Variants in LCMT1 observed in about 807,000 individuals in gnomAD.
LCMT1 encodes the protein [Phosphatase 2A protein]-leucine-carboxy methyltransferase 1.
In LCMT1, 32 loss-of-function variants were observed where a neutral mutation model predicts 47.7. The ratio of observed to expected loss-of-function variants is 0.67; its 90% CI spans 0.51 to 0.90. The LOEUF is 0.90. LCMT1 is among the 40% of genes least tolerant of loss of function. The probability of loss-of-function intolerance (pLI) is 0.00; values close to 1 mark genes in which losing one functional copy is unlikely to be tolerated. For synonymous variants in LCMT1, 152 were observed against 149.7 expected, an observed-to-expected ratio of 1.02 and a Z score of -0.11; for missense variants, 375 against 415.2, an observed-to-expected ratio of 0.90 and a Z score of 0.84.
At chr16:25,140,455 A>T in intron 4 of LCMT1, 2 of 553,924 alleles carry the variant, frequency 3.6e-6, no homozygotes, top group Non-Finnish European at 3.2e-6. Context: ...TACAGATCAC[A>T]GGCTCTATGG....
At chr16:25,132,099 A>G (rs769106250) in intron 2 of LCMT1, 3 of 446,080 alleles carry the variant, frequency 6.7e-6, no homozygotes, top group Non-Finnish European at 8.7e-6. Context: ...CACATTTCCA[A>G]GATGGACTTT....
At chr16:25,129,127 A>G (rs1193373858) in intron 2 of LCMT1, among the ~76,000 whole-genome samples, 1 of 150,518 alleles carries the variant, frequency 6.6e-6, no homozygotes, top group Non-Finnish European at 1.5e-5. Flanking sequence ...TTCCAGCTTC[A>G]TCCATGTCCC....
intron 5 of LCMT1, chr16:25,160,856 A>C: frequency 4.9e-6 from 3 of 616,870 alleles, no homozygotes; most frequent in South Asian, 4.4e-5. Flanking sequence ...TGTGCATGAG[A>C]GGGGATGTGT....
At chr16:25,130,040 C>T (rs991829678) in intron 2 of LCMT1, among the ~76,000 whole-genome samples, 1 of 152,040 alleles carries the variant, frequency 6.6e-6, no homozygotes, top group East Asian at 1.9e-4. Context: ...GAGATTTGGC[C>T]CTTAAGATTC....
intron 7 of LCMT1, 107 bp from the exon 8 acceptor site, chr16:25,169,005 G>A (rs887127879): frequency 3.8e-6 from 3 of 779,946 alleles, no homozygotes; most frequent in African/African-American, 1.7e-5. Context: ...CTGGGTGTGC[G>A]TCATCAAGCG....
At chr16:25,149,227 T>C (rs1361896930) in intron 4 of LCMT1, among the ~76,000 whole-genome samples, 2 of 152,054 alleles carry the variant, frequency 1.3e-5, no homozygotes, top group African/African-American at 4.8e-5. Flanking sequence ...TCTTAAAACA[T>C]GAGATTCTTT....
At chr16:25,119,702 C>T (rs1959908287) in intron 1 of LCMT1, among the ~76,000 whole-genome samples, 1 of 152,072 alleles carries the variant, frequency 6.6e-6, no homozygotes, top group Non-Finnish European at 1.5e-5. Context: ...CGGCTTAGCC[C>T]AGGGCCTTTC....
intron 3 of LCMT1, 40 bp downstream of exon 3, chr16:25,132,563 A>AT (rs747711335): frequency 2.5e-6 from 4 of 1,597,976 alleles, no homozygotes; most frequent in African/African-American, 2.7e-5. Context: ...AAGTGTTTAG[A>AT]TTTTTTTCGT....
chr16:25,135,888 T>G (rs1285428829), intron 3 of LCMT1, among the ~76,000 whole-genome samples: 5 of 151,784 alleles, frequency 3.3e-5, no homozygotes, highest in African/African-American at 1.2e-4. Context: ...CTCAGGAGTT[T>G]GAGACCAGCC....
At chr16:25,132,239 A>T in intron 2 of LCMT1, 163 bp from the exon 3 acceptor site, 16 of 784,756 alleles carry the variant, frequency 2.0e-5, no homozygotes, top group South Asian at 6.2e-5. Flanking sequence ...AAAAAAAAAA[A>T]TTTGAAAGTT....
intron 1 of LCMT1, among the ~76,000 whole-genome samples, chr16:25,127,853 C>T (rs1235495103): frequency 6.8e-6 from 1 of 146,762 alleles, no homozygotes; most frequent in Non-Finnish European, 1.5e-5. Context: ...AAGAAGGCTT[C>T]CTGTGCTAGA....
At chr16:25,129,628 G>A (rs926251066) in intron 2 of LCMT1, among the ~76,000 whole-genome samples, 1 of 152,198 alleles carries the variant, frequency 6.6e-6, no homozygotes, top group Non-Finnish European at 1.5e-5. Context: ...TGGAGAAACT[G>A]CTTTATAGTA....
chr16:25,168,056 CT>C (rs539625984), intron 7 of LCMT1, among the ~76,000 whole-genome samples: 45 of 143,052 alleles, frequency 3.1e-4, no homozygotes, highest in African/African-American at 9.5e-4. Context: ...CGCACCCAGC[CT>C]TTTTTTTTTG....
intron 4 of LCMT1, among the ~76,000 whole-genome samples, chr16:25,151,047 C>T (rs551848980): frequency 1.3e-4 from 20 of 152,186 alleles, no homozygotes; most frequent in Non-Finnish European, 2.2e-4. Context: ...GATATTGACG[C>T]GTGTCTGATT....
At chr16:25,123,652 G>C (rs1960070532) in intron 1 of LCMT1, among the ~76,000 whole-genome samples, 1 of 136,938 alleles carries the variant, frequency 7.3e-6, no homozygotes, top group African/African-American at 2.8e-5. Context: ...CTGTCACCCA[G>C]GCTGGAGTGC....
At chr16:25,157,197 GT>G (rs1357965013) in intron 5 of LCMT1, among the ~76,000 whole-genome samples, 2 of 151,906 alleles carry the variant, frequency 1.3e-5, no homozygotes, top group African/African-American at 4.8e-5. Context: ...GTGTTACATT[GT>G]GTAAGTCTTC....
intron 6 of LCMT1, among the ~76,000 whole-genome samples, 189 bp downstream of exon 6, chr16:25,161,393 G>A (rs1376051342): frequency 6.9e-6 from 1 of 144,600 alleles, no homozygotes; most frequent in South Asian, 2.2e-4. Context: ...TTTTGCTCTT[G>A]TTGCCCAGGC....
At chr16:25,117,635 C>G (rs1467793793) in intron 1 of LCMT1, among the ~76,000 whole-genome samples, 1 of 152,116 alleles carries the variant, frequency 6.6e-6, no homozygotes, top group African/African-American at 2.4e-5. Context: ...GGTGGATCAC[C>G]TGAGGTCAGA....
In LCMT1 at chr16:25,167,986, A is replaced by C. The variant is rs532956803; in HGVS notation, c.691-1126A>C. Among the ~76,000 whole-genome samples, 13 of 150,240 alleles carry C rather than the reference A, an allele frequency of 8.7e-5. No individual in the cohort carries two copies. The South Asian group carries it at 2.7e-3, about 32-fold the overall frequency. On this transcript the variant is annotated intron_variant, in intron 7 of 10. Transcript: ENST00000399069. ...TGGCCAGGCTGGTCTCAAACTCCTG[A>C]CCTCAAGTGATCCGCCCACCTCGGC...
Sources: allele counts gnomAD v4.1 joint callset (sites outside exome capture counted in the v4.1 genomes callset), GRCh38; gene constraint gnomAD v4.1.1; transcripts MANE v1.5; gene names NCBI Gene and HGNC (gene_info 2026-07-23, HGNC 2026-07-21).